ZNF233: variants seen among roughly 807,000 people sequenced by gnomAD.
The protein encoded by ZNF233 is zinc finger protein 233.
A neutral mutation model predicts 11.6 loss-of-function variants in ZNF233; 7 were observed. That is an observed-to-expected ratio of 0.60 (90% CI 0.34 to 1.13). The LOEUF is 1.13. ZNF233 is among the 50% of genes most tolerant of loss of function. The pLI is 0.03. For synonymous variants in ZNF233, 226 were observed against 268.5 expected, an observed-to-expected ratio of 0.84 and a Z score of 1.55; for missense variants, 711 against 785.5, an observed-to-expected ratio of 0.91 and a Z score of 1.13.
intron 4 of ZNF233, among the ~76,000 whole-genome samples, chr19:44,268,937 A>C (rs1293794923): frequency 3.3e-5 from 5 of 152,208 alleles, no homozygotes; most frequent in African/African-American, 7.2e-5. Context: ...CAAACAAAAA[A>C]AGCAAACCAA....
chr19:44,266,780 T>TA (rs1975096038), intron 3 of ZNF233, 86 bp from the exon 4 acceptor site: 1 of 955,126 alleles, frequency 1.0e-6, no homozygotes, highest in Admixed American at 2.0e-5. Flanking sequence ...AAATACTACT[T>TA]AGAGCGCATG....
chr19:44,269,214 G>T (rs539125990), intron 4 of ZNF233, among the ~76,000 whole-genome samples: 20 of 150,682 alleles, frequency 1.3e-4, no homozygotes, highest in African/African-American at 4.6e-4. Context: ...CCCAGTTATT[G>T]CCATTGTCCT....
At chr19:44,269,363 T>C (rs1337467710) in intron 4 of ZNF233, among the ~76,000 whole-genome samples, 7 of 152,068 alleles carry the variant, frequency 4.6e-5, no homozygotes, top group Admixed American at 1.3e-4. Flanking sequence ...TGGCGCAATC[T>C]TGGCTGGCTG....
chr19:44,269,144 C>CT (rs1003680436), intron 4 of ZNF233, among the ~76,000 whole-genome samples: 3 of 151,508 alleles, frequency 2.0e-5, no homozygotes, highest in South Asian at 2.1e-4. Flanking sequence ...TAAAAATTTT[C>CT]TTTTTTTGTT....
chr19:44,263,775 T>A (rs906369045), intron 1 of ZNF233, among the ~76,000 whole-genome samples: 1 of 152,222 alleles, frequency 6.6e-6, no homozygotes, highest in Non-Finnish European at 1.5e-5. Context: ...TATAAAAGAC[T>A]CTCTTATTGG....
At chr19:44,271,928 A>G (rs748647380) in intron 4 of ZNF233, among the ~76,000 whole-genome samples, 1 of 152,028 alleles carries the variant, frequency 6.6e-6, no homozygotes, top group Non-Finnish European at 1.5e-5. Flanking sequence ...GACCACATAC[A>G]TAAGTCTTGG....
intron 3 of ZNF233, 71 bp from the exon 4 acceptor site, chr19:44,266,795 T>C: frequency 2.7e-6 from 3 of 1,101,232 alleles, no homozygotes; most frequent in Non-Finnish European, 1.3e-6. Context: ...CGCATGAAAA[T>C]GGTGGTGTTG....
chr19:44,274,386 A>G lies in ZNF233; in HGVS notation c.1726A>G (p.Ser576Gly). The G allele has an allele frequency of 6.2e-7, 1 of 1,614,116 alleles. No homozygotes were observed. Among genetic ancestry groups the G allele is most frequent in the Non-Finnish European group, 8.5e-7 (1 of 1,180,004 alleles). The change falls in exon 5 of 5, where the codon AGT becomes GGT. Residue 576 changes from serine to glycine, a missense_variant. Physicochemically the swap from Ser to Gly is moderately conservative, Grantham distance 56. Transcript: ENST00000683810. ...TGTGTGTGGGAAAGGCTTCAGTTGG[A>G]GTTCACATCTTCAAGCCCATCAGAG... Reference protein sequence around the residue: ...CDVCGKGFSWSSHLQAHQRVH... With the variant: ...CDVCGKGFSWGSHLQAHQRVH...
intron 4 of ZNF233, among the ~76,000 whole-genome samples, chr19:44,268,615 G>A (rs1282889781): frequency 2.0e-5 from 3 of 152,172 alleles, no homozygotes; most frequent in Non-Finnish European, 4.4e-5. Context: ...TGTCAGTAAC[G>A]TCAGTTAATG....
chr19:44,274,238 T>A lies in ZNF233; in HGVS notation c.1578T>A (p.His526Gln). ...DFSQISHLQA[H>Q]QRVHKGEKPY... Reference sequence around the variant, plus strand: ...GTCAGATCTCTCATCTTCAGGCCCATCAGAGAGTTCACAAAGGAGAGAAGC... The same window carrying A: ...GTCAGATCTCTCATCTTCAGGCCCAACAGAGAGTTCACAAAGGAGAGAAGC... Residue 526 changes from histidine to glutamine, a missense_variant, in exon 5 of 5, where the codon CAT (histidine) becomes CAA (glutamine). Transcript: ENST00000683810. The A allele has an allele frequency of 1.2e-6, 2 of 1,609,682 alleles. No individual in the cohort carries two copies. Among genetic ancestry groups the A allele is most frequent in the Non-Finnish European group, 1.7e-6 (2 of 1,176,434 alleles).
intron 4 of ZNF233, among the ~76,000 whole-genome samples, chr19:44,272,225 C>T (rs1975253690): frequency 7.3e-6 from 1 of 137,230 alleles, no homozygotes; most frequent in South Asian, 2.3e-4. Flanking sequence ...GAGACTCCAT[C>T]TCAAAAAAAA....
chr19:44,265,364 TATACACACACAC>T (rs1322346306), intron 2 of ZNF233, among the ~76,000 whole-genome samples: 19 of 57,870 alleles, frequency 3.3e-4, no homozygotes, highest in African/African-American at 8.4e-4. Context: ...ATCATATATA[TATACACACACAC>T]ACACACACAC....
chr19:44,267,741 C>A (rs61073294), intron 4 of ZNF233: 3 of 233,756 alleles, frequency 1.3e-5, no homozygotes, highest in African/African-American at 6.8e-5. Flanking sequence ...GATGTTCTTA[C>A]CTCATACATC....
rs1233428 is a variant in ZNF233, at chr19:44,274,252, A to C, written c.1592A>C (p.Lys531Thr). 0.69 allele frequency: 1,110,208 copies of C among 1,613,770 alleles called. 383,817 individuals carry two copies. The highest frequency in any genetic ancestry group is 0.79 in the African/African-American group (59,178 of 74,938). The change falls in exon 5 of 5, where the codon AAA (lysine) becomes ACA (threonine). Residue 531 changes from lysine to threonine, a missense_variant. Coordinates refer to ENST00000683810, the MANE Select transcript of ZNF233 (RefSeq NM_001207005.2). ...CTTCAGGCCCATCAGAGAGTTCACA[A>C]AGGAGAGAAGCCATACAAATGTGAG... ...SHLQAHQRVH[K>T]GEKPYKCETC... is the part of the protein sequence containing the mutation.
At chr19:44,267,607 C>G (rs1975126831) in intron 4 of ZNF233, 1 of 387,654 alleles carries the variant, frequency 2.6e-6, no homozygotes, top group Non-Finnish European at 4.5e-6. Flanking sequence ...GTCTCAAACT[C>G]CTGAGCTCAA....
chr19:44,266,323 G>A lies in ZNF233; in HGVS notation c.141G>A (p.Val47=), dbSNP rs1470821437. 4 of 1,600,546 alleles carry A rather than the reference G, an allele frequency of 2.5e-6. No individual in the cohort carries two copies. The South Asian group carries it at 4.5e-5, about 18-fold the overall frequency. ...MLENFRNLLS[V]GYQPFKLDVI... ...AGAACTTCAGGAACCTGCTGTCAGTGGGTGAGCACAGGCACCTTCTGTAAC... is the reference window on the plus strand; with the variant it reads ...AGAACTTCAGGAACCTGCTGTCAGTAGGTGAGCACAGGCACCTTCTGTAAC... Residue 47 remains valine, a splice_region_variant and synonymous_variant, in exon 3 of 5, where the codon GTG becomes GTA. Transcript: ENST00000683810.
At chr19:44,272,595 C>A (rs1159415129) in intron 4 of ZNF233, among the ~76,000 whole-genome samples, 1 of 151,508 alleles carries the variant, frequency 6.6e-6, no homozygotes, top group Non-Finnish European at 1.5e-5. Flanking sequence ...ATGAGCTGGG[C>A]ATGGTGGCAG....
chr19:44,274,859 T>C lies in ZNF233; in HGVS notation c.*186T>C, dbSNP rs1239213343. The stretch of plus-strand genomic sequence containing the variant: ...AAGAAAACCTATTTTTGTATGAATA[T>C]GACCAGTTTCAAGCAGAGCCCAAAA... On this transcript the variant is annotated 3_prime_UTR_variant, in exon 5 of 5. Transcript: ENST00000683810. 7.1e-6 allele frequency: 4 copies of C among 560,548 alleles called. No individual in the cohort carries two copies. The highest frequency in any genetic ancestry group is 4.7e-4 in the Middle Eastern group (1 of 2,106). The allele number at this position is 560,548 out of a possible 1,614,324, so 34.7% of individuals were successfully genotyped here.
chr19:44,268,735 C>T lies in ZNF233; in HGVS notation c.238+1774C>T, dbSNP rs79414282. Among the ~76,000 whole-genome samples the T allele has an allele frequency of 5.3e-5, 8 of 152,282 alleles. No homozygotes were observed. In the East Asian group the frequency reaches 1.4e-3, roughly 26 times the overall value. On this transcript the variant is annotated intron_variant, in intron 4 of 4. Transcript: ENST00000683810. ...TGGTGAGAGTTGCCTCATCCATACA[C>T]CCAGTGACAACCTCCCTGTTCTGCT...
Sources: allele counts gnomAD v4.1 joint callset (sites outside exome capture counted in the v4.1 genomes callset), GRCh38; gene constraint gnomAD v4.1.1; transcripts MANE v1.5; gene names NCBI Gene and HGNC (gene_info 2026-07-23, HGNC 2026-07-21).